SPOCK3: variants seen among roughly 807,000 people sequenced by gnomAD.
SPOCK3 encodes the protein testican-3.
Under a neutral mutation model 56.6 loss-of-function variants are expected in SPOCK3, and 30 were observed. That is an observed-to-expected ratio of 0.53 (90% CI 0.40 to 0.72). SPOCK3 has a LOEUF of 0.72. Among genes scored for constraint, SPOCK3 ranks in the 30% least tolerant of loss-of-function variants. The pLI is 0.00. For synonymous variants in SPOCK3, 196 were observed against 183.3 expected, an observed-to-expected ratio of 1.07 and a Z score of -0.56; for missense variants, 527 against 530.0, an observed-to-expected ratio of 0.99 and a Z score of 0.06.
In SPOCK3 at chr4:166,829,265, T is replaced by C. The variant is rs1429645749; in HGVS notation, c.590-36976A>G. ...TTTTGTTTAACTGGAGATTACACTA[T>C]GTAAAAGTTAGCAGATAAAGACTAC... On this transcript the variant is annotated intron_variant, in intron 6 of 10. Coordinates refer to ENST00000357545, the MANE Select transcript of SPOCK3 (RefSeq NM_001040159.2). Among the ~76,000 whole-genome samples, 3 of 152,196 alleles carry C rather than the reference T, an allele frequency of 2.0e-5. No individual in the cohort carries two copies. In the East Asian group the frequency reaches 5.8e-4, roughly 29 times the overall value.
chr4:167,084,102 T>C (rs1376989648), intron 2 of SPOCK3, among the ~76,000 whole-genome samples: 1 of 152,114 alleles, frequency 6.6e-6, no homozygotes, highest in Non-Finnish European at 1.5e-5. Flanking sequence ...TCATGGTTTA[T>C]GAGAATATGT....
At chr4:166,880,292 T>C (rs146059137) in intron 6 of SPOCK3, among the ~76,000 whole-genome samples, 3 of 152,324 alleles carry the variant, frequency 2.0e-5, no homozygotes, top group Admixed American at 1.3e-4. Context: ...CTTTATCTCT[T>C]TCAAGTCAGA....
At chr4:166,947,437 T>G (rs963455635) in intron 4 of SPOCK3, among the ~76,000 whole-genome samples, 1 of 152,184 alleles carries the variant, frequency 6.6e-6, no homozygotes, top group African/African-American at 2.4e-5. Flanking sequence ...AGAACTTTGT[T>G]TACTAAAGCA....
At chr4:167,102,227 T>G (rs984030282) in intron 2 of SPOCK3, among the ~76,000 whole-genome samples, 1 of 152,066 alleles carries the variant, frequency 6.6e-6, no homozygotes, top group African/African-American at 2.4e-5. Context: ...TTATTTGGAA[T>G]GACCTCATAA....
chr4:167,048,879 G>A (rs985760960), intron 3 of SPOCK3, among the ~76,000 whole-genome samples: 2 of 152,148 alleles, frequency 1.3e-5, no homozygotes, highest in South Asian at 2.1e-4. Flanking sequence ...AGATACATAT[G>A]TGGGGGCAGG....
At chr4:167,058,232 A>T (rs901432628) in intron 3 of SPOCK3, among the ~76,000 whole-genome samples, 1 of 152,184 alleles carries the variant, frequency 6.6e-6, no homozygotes, top group African/African-American at 2.4e-5. Flanking sequence ...AGATGACATG[A>T]TTGTATATCT....
intron 6 of SPOCK3, among the ~76,000 whole-genome samples, chr4:166,885,533 G>C (rs2126996055): frequency 6.6e-6 from 1 of 152,148 alleles, no homozygotes; most frequent in South Asian, 2.1e-4. Flanking sequence ...CTAGAAGCAA[G>C]GGATGGCTTT....
intron 7 of SPOCK3, among the ~76,000 whole-genome samples, chr4:166,786,277 C>A (rs184189422): frequency 6.6e-6 from 1 of 152,136 alleles, no homozygotes; most frequent in East Asian, 1.9e-4. Context: ...TTATATTAAT[C>A]AAAAATTCTA....
intron 3 of SPOCK3, among the ~76,000 whole-genome samples, chr4:167,058,416 T>G (rs576565850): frequency 2.0e-5 from 3 of 151,992 alleles, no homozygotes; most frequent in African/African-American, 7.3e-5. Flanking sequence ...TCAAAGAGAA[T>G]AAAATACCTA....
chr4:166,743,969 G>A (rs1019297474), intron 8 of SPOCK3, among the ~76,000 whole-genome samples: 2 of 152,190 alleles, frequency 1.3e-5, no homozygotes, highest in Admixed American at 1.3e-4. Context: ...CTCGATCTGG[G>A]TGGAGCCCAC....
intron 2 of SPOCK3, among the ~76,000 whole-genome samples, chr4:167,160,485 C>A (rs1765199753): frequency 6.6e-6 from 1 of 152,128 alleles, no homozygotes; most frequent in South Asian, 2.1e-4. Context: ...TTTATAGATT[C>A]AATGCCATCC....
At chr4:166,828,985 A>G (rs1745754807) in intron 6 of SPOCK3, among the ~76,000 whole-genome samples, 1 of 152,006 alleles carries the variant, frequency 6.6e-6, no homozygotes, top group Non-Finnish European at 1.5e-5. Context: ...TTTATCTGAA[A>G]TATTGAAAAT....
At position 166,997,659 on chromosome 4, in the gene SPOCK3, C is replaced by T. The variant is rs149034882; in HGVS notation, c.350+2690G>A. ...GACACCTTCACTGAGCTCAGTCAGT[C>T]GAAGGAGATCAATGTTAGACAAACT... is the stretch of plus-strand genomic sequence containing the variant. On this transcript the variant is annotated intron_variant, in intron 4 of 10. Coordinates refer to ENST00000357545, the MANE Select transcript of SPOCK3 (RefSeq NM_001040159.2). Among the ~76,000 whole-genome samples, 1,190 of 152,102 alleles carry T rather than the reference C, an allele frequency of 7.8e-3. 13 individuals are homozygous for T. Among genetic ancestry groups the T allele is most frequent in the African/African-American group, 0.027 (1,118 of 41,490 alleles).
rs1159149944 is a variant in SPOCK3 at position 166,948,399 on chromosome 4, T to C, written c.351-35656A>G. Among the ~76,000 whole-genome samples, 3 of 152,304 alleles carry C rather than the reference T, an allele frequency of 2.0e-5. No homozygotes were observed. The East Asian group carries it at 5.8e-4, about 29-fold the overall frequency. ...CCAGTAGTAAGATTGCTGGATCATA[T>C]GGTAATTCAAGTTTTATATTTTTTT... On this transcript the variant is annotated intron_variant, in intron 4 of 10. Transcript: ENST00000357545.
chr4:167,179,246 G>A (rs1005679740), intron 2 of SPOCK3, among the ~76,000 whole-genome samples: 1 of 152,018 alleles, frequency 6.6e-6, no homozygotes, highest in Non-Finnish European at 1.5e-5. Context: ...ATTGGCCAAC[G>A]TAGAAACTTT....
In SPOCK3 at chr4:166,876,432, C is replaced by G. The variant is rs1271083798; in HGVS notation, c.589+12698G>C. 3.3e-5 allele frequency among the ~76,000 whole-genome samples: 5 copies of G among 152,128 alleles called. No individual in the cohort carries two copies. In the South Asian group the frequency reaches 1.0e-3, roughly 31 times the overall value. ...AGTTAAGAAACTGAAGAAACAAAAACTTATGGCCTGGGGAAAACAATCAGC... is the reference window on the plus strand; with the variant it reads ...AGTTAAGAAACTGAAGAAACAAAAAGTTATGGCCTGGGGAAAACAATCAGC... On this transcript the variant is annotated intron_variant, in intron 6 of 10. Coordinates refer to ENST00000357545, the MANE Select transcript of SPOCK3 (RefSeq NM_001040159.2).
At chr4:166,924,146 C>T (rs1435541626) in intron 4 of SPOCK3, among the ~76,000 whole-genome samples, 1 of 152,126 alleles carries the variant, frequency 6.6e-6, no homozygotes, top group Admixed American at 6.6e-5. Flanking sequence ...ATAAACTTGC[C>T]TCTGAATTCA....
intron 6 of SPOCK3, among the ~76,000 whole-genome samples, chr4:166,823,257 C>A (rs1266606466): frequency 6.6e-6 from 1 of 151,954 alleles, no homozygotes; most frequent in East Asian, 1.9e-4. Context: ...ACAGCTTTCC[C>A]TTTTCTCTAC....
intron 4 of SPOCK3, among the ~76,000 whole-genome samples, chr4:166,945,189 A>G (rs975550032): frequency 6.6e-6 from 1 of 152,138 alleles, no homozygotes; most frequent in Non-Finnish European, 1.5e-5. Context: ...ATATTTAGAA[A>G]CCAAGACCTA....
Sources: gnomAD v4.1 joint callset for allele counts (sites outside exome capture counted in the v4.1 genomes callset) on GRCh38, gnomAD v4.1.1 for gene constraint, MANE v1.5 for transcripts, NCBI Gene and HGNC (gene_info 2026-07-23, HGNC 2026-07-21) for gene names.